The following NLGN1 variants were observed in gnomAD, a reference collection of about 807,000 sequenced individuals.
The protein encoded by NLGN1 is neuroligin-1.
In NLGN1, 12 loss-of-function variants were observed where a neutral mutation model predicts 65.5. That is an observed-to-expected ratio of 0.18 (90% CI 0.12 to 0.30). The LOEUF is 0.30. Among genes scored for constraint, NLGN1 ranks in the 10% least tolerant of loss-of-function variants. The pLI is 1.00. For synonymous variants in NLGN1, 350 were observed against 359.5 expected (o/e 0.97, Z 0.30); for missense variants, 750 against 1,007.1 (o/e 0.74, Z 3.46).
chr3:173,667,874 G>A (rs886481004), intron 3 of NLGN1, among the ~76,000 whole-genome samples: 3 of 151,964 alleles, frequency 2.0e-5, no homozygotes, highest in African/African-American at 7.3e-5. Context: ...CTCATGATCC[G>A]CTTGTCTTGG....
At chr3:173,414,171 A>G (rs472102) in intron 1 of NLGN1, among the ~76,000 whole-genome samples, 63,271 of 151,966 alleles carry the variant, frequency 0.42, 14,292 homozygotes, top group African/African-American at 0.59. Context: ...ACATCTTGTT[A>G]TTTCAAGCTA....
At chr3:173,409,045 A>G (rs540108216) in intron 1 of NLGN1, among the ~76,000 whole-genome samples, 1 of 152,284 alleles carries the variant, frequency 6.6e-6, no homozygotes, top group African/African-American at 2.4e-5. Flanking sequence ...AGGAAGCCTG[A>G]GATCTCACAG....
chr3:173,939,028 G>C (rs9941989), intron 4 of NLGN1, among the ~76,000 whole-genome samples: 45,865 of 151,968 alleles, frequency 0.3, 7,365 homozygotes, highest in African/African-American at 0.39. Flanking sequence ...ATATTTTAAA[G>C]TATGACTGAA....
At chr3:174,020,083 T>A (rs1248023110) in intron 4 of NLGN1, among the ~76,000 whole-genome samples, 1 of 152,126 alleles carries the variant, frequency 6.6e-6, no homozygotes, top group Non-Finnish European at 1.5e-5. Flanking sequence ...CTTTTGAAAA[T>A]TTTTTAAAAA....
At position 174,280,329 on chromosome 3, in the gene NLGN1, A is replaced by G; in HGVS notation, c.1650-152A>G. Reference sequence around the variant, plus strand: ...CCCATCTAACAATATGCCTGCTAGGAGATTTATATTTCTAAATTGACCCAA... The same window carrying G: ...CCCATCTAACAATATGCCTGCTAGGGGATTTATATTTCTAAATTGACCCAA... On this transcript the variant is annotated intron_variant, in intron 6 of 6. Transcript: ENST00000457714. The surrounding 1 kb of genome is among the most constrained non-coding windows in gnomAD (Gnocchi z 4.9). The G allele has an allele frequency of 1.6e-6, 1 of 611,776 alleles. No homozygotes were observed. The highest frequency in any genetic ancestry group is 2.2e-5 in the South Asian group (1 of 45,196). 37.9% of individuals were successfully genotyped at this position (611,776 alleles called of 1,614,324 possible). A position where few individuals can be genotyped will look rare whatever the true frequency, so the allele number is the denominator to read the frequency against.
intron 2 of NLGN1, among the ~76,000 whole-genome samples, chr3:173,449,161 T>C (rs1720987262): frequency 6.6e-6 from 1 of 152,112 alleles, no homozygotes; most frequent in South Asian, 2.1e-4. Context: ...TGTTAGGGTG[T>C]CAATTTTAGA....
intron 1 of NLGN1, among the ~76,000 whole-genome samples, chr3:173,405,469 T>G (rs908394622): frequency 7.9e-5 from 12 of 152,052 alleles, no homozygotes; most frequent in African/African-American, 2.9e-4. Context: ...TCAGATATGT[T>G]AAAGGTGTCA....
At chr3:174,260,381 C>G (rs1356283992) in intron 4 of NLGN1, among the ~76,000 whole-genome samples, 14 of 150,572 alleles carry the variant, frequency 9.3e-5, no homozygotes, top group Non-Finnish European at 1.5e-4. Context: ...GCCATTCTAA[C>G]TGGTGTGAGA....
intron 2 of NLGN1, among the ~76,000 whole-genome samples, chr3:173,491,107 C>T (rs13084770): frequency 0.47 from 71,880 of 151,516 alleles, 19,625 homozygotes; most frequent in East Asian, 0.81. Flanking sequence ...GCCTGATTGC[C>T]GTGGCCAGAA....
chr3:174,224,448 C>T (rs1354716534), intron 4 of NLGN1, among the ~76,000 whole-genome samples: 1 of 152,178 alleles, frequency 6.6e-6, no homozygotes, highest in Non-Finnish European at 1.5e-5. Context: ...CCTGCAATCC[C>T]AGAACTTTGG....
chr3:174,110,000 T>A (rs748510465), intron 4 of NLGN1, among the ~76,000 whole-genome samples: 1 of 152,098 alleles, frequency 6.6e-6, no homozygotes, highest in Non-Finnish European at 1.5e-5. Flanking sequence ...TCACCATCTT[T>A]GTTGAATTGT....
chr3:173,971,344 G>T (rs1716188212), intron 4 of NLGN1, among the ~76,000 whole-genome samples: 1 of 151,954 alleles, frequency 6.6e-6, no homozygotes, highest in South Asian at 2.1e-4. Context: ...AGAGGAAAAG[G>T]GAAAATCAAG....
intron 4 of NLGN1, among the ~76,000 whole-genome samples, chr3:174,241,167 G>A (rs1393424941): frequency 6.6e-6 from 1 of 152,012 alleles, no homozygotes; most frequent in Non-Finnish European, 1.5e-5. Flanking sequence ...AGAAGATAAA[G>A]TCTCTTTATA....
intron 5 of NLGN1, 65 bp from the exon 6 acceptor site, chr3:174,278,796 A>C (rs1459449677): frequency 8.1e-7 from 1 of 1,234,164 alleles, no homozygotes; most frequent in East Asian, 2.5e-5. Context: ...AAAATATCAG[A>C]TGTTATTGTT....
At chr3:173,557,137 C>T (rs1559964738) in intron 2 of NLGN1, among the ~76,000 whole-genome samples, 1 of 151,998 alleles carries the variant, frequency 6.6e-6, no homozygotes, top group Non-Finnish European at 1.5e-5. Flanking sequence ...AATTTTGATG[C>T]TTATTTATTA....
At chr3:174,174,139 C>G (rs951862586) in intron 4 of NLGN1, among the ~76,000 whole-genome samples, 1 of 142,008 alleles carries the variant, frequency 7.0e-6, no homozygotes, top group Non-Finnish European at 1.5e-5. Flanking sequence ...ATCCAGGTCA[C>G]TGTGAATGCC....
rs1371991498 is a variant in NLGN1 at position 173,603,928 on chromosome 3, A to G, written c.-320-351A>G. On this transcript the variant is annotated intron_variant, in intron 2 of 6. Coordinates refer to ENST00000457714, the Ensembl canonical transcript of NLGN1. Reference sequence around the variant, plus strand: ...CTATTGGGTTTTAAAACTGAAACAGATTAATCTTCTATTGCTTGAAGTGAT... The same window carrying G: ...CTATTGGGTTTTAAAACTGAAACAGGTTAATCTTCTATTGCTTGAAGTGAT... Among the ~76,000 whole-genome samples, 3 of 152,144 alleles carry G rather than the reference A, an allele frequency of 2.0e-5. No homozygotes were observed. In the East Asian group the frequency reaches 5.8e-4, roughly 29 times the overall value.
At chr3:173,412,502 T>C (rs1318405969) in intron 1 of NLGN1, among the ~76,000 whole-genome samples, 1 of 151,990 alleles carries the variant, frequency 6.6e-6, no homozygotes, top group Non-Finnish European at 1.5e-5. Flanking sequence ...ATTAGCACAC[T>C]GACCTTTTTT....
intron 2 of NLGN1, among the ~76,000 whole-genome samples, chr3:173,483,556 G>C (rs567134714): frequency 6.6e-6 from 1 of 152,138 alleles, no homozygotes; most frequent in Admixed American, 6.6e-5. Context: ...TTTTAAATGA[G>C]AAAATATAGA....
Sources: gnomAD v4.1 joint callset for allele counts (sites outside exome capture counted in the v4.1 genomes callset) on GRCh38, gnomAD v4.1.1 for gene constraint, Gnocchi (gnomAD v3.1) non-coding constraint, MANE v1.5 for transcripts, NCBI Gene and HGNC (gene_info 2026-07-23, HGNC 2026-07-21) for gene names.